SORCS1: variants seen among roughly 807,000 people sequenced by gnomAD.
SORCS1 encodes sortilin related VPS10 domain containing receptor 1.
Under a neutral mutation model 146.1 loss-of-function variants are expected in SORCS1, and 60 were observed. That is an observed-to-expected ratio of 0.41 (90% CI 0.33 to 0.51). SORCS1 has a LOEUF of 0.51. Among genes scored for constraint, SORCS1 ranks in the 20% least tolerant of loss-of-function variants. The pLI is 0.21. For synonymous variants in SORCS1, 637 were observed against 584.0 expected, an observed-to-expected ratio of 1.09 and a Z score of -1.31; for missense variants, 1,352 against 1,487.6, an observed-to-expected ratio of 0.91 and a Z score of 1.50.
intron 2 of SORCS1, among the ~76,000 whole-genome samples, chr10:106,885,802 C>A (rs1950978026): frequency 6.6e-6 from 1 of 152,104 alleles, no homozygotes; most frequent in Non-Finnish European, 1.5e-5. Context: ...CCCCATACTG[C>A]TCTCATGGTA....
intron 3 of SORCS1, among the ~76,000 whole-genome samples, chr10:106,804,189 G>A (rs1432608527): frequency 6.6e-6 from 1 of 151,918 alleles, no homozygotes; most frequent in Non-Finnish European, 1.5e-5. Context: ...GTGTGCTTGG[G>A]GACAAATATG....
intron 5 of SORCS1, among the ~76,000 whole-genome samples, chr10:106,754,664 GGGGAAGAAT>G (rs1858502984): frequency 6.6e-6 from 1 of 152,164 alleles, no homozygotes; most frequent in South Asian, 2.1e-4. Context: ...ATTGAACTGT[GGGGAAGAAT>G]GAGAATGTGT....
chr10:106,672,250 C>G (rs538325775), intron 15 of SORCS1, among the ~76,000 whole-genome samples: 3 of 152,292 alleles, frequency 2.0e-5, no homozygotes, highest in South Asian at 2.1e-4. Context: ...TTTGAGAGAT[C>G]TGCGGAACGA....
At chr10:107,008,021 T>C (rs945527316) in intron 1 of SORCS1, among the ~76,000 whole-genome samples, 3 of 148,440 alleles carry the variant, frequency 2.0e-5, no homozygotes, top group South Asian at 4.1e-4. Flanking sequence ...TATTTGTCTA[T>C]TGTAGGTTAA....
intron 1 of SORCS1, among the ~76,000 whole-genome samples, chr10:107,058,005 T>C (rs958200469): frequency 2.0e-5 from 3 of 152,118 alleles, no homozygotes; most frequent in Admixed American, 1.3e-4. Context: ...GTTTTAAAGA[T>C]ATGTAAGAGA....
intron 2 of SORCS1, among the ~76,000 whole-genome samples, chr10:106,845,939 T>A (rs1312903268): frequency 1.6e-5 from 2 of 126,508 alleles, no homozygotes; most frequent in Admixed American, 1.7e-4. Flanking sequence ...TCCATTGATC[T>A]ATATCTCTGT....
At chr10:107,082,728 T>C (rs1963425690) in intron 1 of SORCS1, among the ~76,000 whole-genome samples, 1 of 152,152 alleles carries the variant, frequency 6.6e-6, no homozygotes, top group Admixed American at 6.6e-5. Context: ...TTGCTCACCT[T>C]GGCCTCCCAA....
chr10:106,984,521 G>C (rs1391490070), intron 1 of SORCS1, among the ~76,000 whole-genome samples: 2 of 151,252 alleles, frequency 1.3e-5, no homozygotes, highest in Non-Finnish European at 2.9e-5. Context: ...AGCCTCCTGA[G>C]TAGCTGGGAC....
rs1326747614 is a variant in SORCS1 at position 107,036,261 on chromosome 10, T to C, written c.559-79681A>G. ...CAACTATTTTCTCATAGAATTTACA[T>C]TGTAGGTATTCTAAGTAATCTACAG... On this transcript the variant is annotated intron_variant, in intron 1 of 25. Transcript: ENST00000263054. Among the ~76,000 whole-genome samples the C allele has an allele frequency of 3.3e-5, 5 of 152,298 alleles. No individual in the cohort carries two copies. In the East Asian group the frequency reaches 7.7e-4, roughly 23 times the overall value.
chr10:107,061,380 T>C (rs1033741812), intron 1 of SORCS1, among the ~76,000 whole-genome samples: 9 of 152,260 alleles, frequency 5.9e-5, no homozygotes, highest in African/African-American at 1.9e-4. Flanking sequence ...AGAAGAAAAA[T>C]GACTATTTTC....
chr10:106,993,477 G>A (rs1041896465), intron 1 of SORCS1, among the ~76,000 whole-genome samples: 13 of 152,138 alleles, frequency 8.5e-5, no homozygotes, highest in African/African-American at 2.4e-4. Context: ...AGGACACAAA[G>A]GACATGATAG....
At chr10:106,890,880 GAATA>G (rs1446672410) in intron 2 of SORCS1, among the ~76,000 whole-genome samples, 2 of 151,706 alleles carry the variant, frequency 1.3e-5, no homozygotes, top group African/African-American at 4.8e-5. Flanking sequence ...AATAGGAATT[GAATA>G]AATAATCCTA....
intron 3 of SORCS1, among the ~76,000 whole-genome samples, chr10:106,794,663 C>T (rs958766858): frequency 2.0e-5 from 3 of 151,894 alleles, no homozygotes; most frequent in African/African-American, 4.8e-5. Context: ...CCACCACGCC[C>T]GGCTAATTTT....
At chr10:107,085,402 T>A (rs1035994336) in intron 1 of SORCS1, among the ~76,000 whole-genome samples, 1 of 152,230 alleles carries the variant, frequency 6.6e-6, no homozygotes, top group African/African-American at 2.4e-5. Context: ...AAATGGTTAG[T>A]TTTATGCAAA....
At chr10:106,986,143 ATATC>A (rs1374610895) in intron 1 of SORCS1, among the ~76,000 whole-genome samples, 1 of 152,316 alleles carries the variant, frequency 6.6e-6, no homozygotes, top group East Asian at 1.9e-4. Flanking sequence ...GGGTTCCTGT[ATATC>A]TATCTTAAAT....
intron 1 of SORCS1, among the ~76,000 whole-genome samples, chr10:107,082,560 C>T (rs1963412455): frequency 6.6e-6 from 1 of 152,036 alleles, no homozygotes; most frequent in South Asian, 2.1e-4. Flanking sequence ...TCACTGTAAC[C>T]TCCACCTCCT....
intron 1 of SORCS1, among the ~76,000 whole-genome samples, chr10:106,964,546 G>T (rs903950150): frequency 6.6e-6 from 1 of 152,064 alleles, no homozygotes; most frequent in Admixed American, 6.6e-5. Flanking sequence ...GAGTGCAGTG[G>T]TGCGATCTTG....
chr10:106,762,030 A>C (rs971378538), intron 4 of SORCS1, among the ~76,000 whole-genome samples: 2 of 152,206 alleles, frequency 1.3e-5, no homozygotes, highest in African/African-American at 4.8e-5. Context: ...GAAGTGCAAA[A>C]TCTAGACCTG....
At chr10:106,954,166 G>A (rs1380950762) in intron 2 of SORCS1, among the ~76,000 whole-genome samples, 3 of 152,236 alleles carry the variant, frequency 2.0e-5, no homozygotes, top group Admixed American at 2.0e-4. Context: ...TTTCCACTGT[G>A]CAGGTGGAGA....
Sources: allele counts gnomAD v4.1 joint callset (sites outside exome capture counted in the v4.1 genomes callset), GRCh38; gene constraint gnomAD v4.1.1; transcripts MANE v1.5; gene names NCBI Gene and HGNC (gene_info 2026-07-23, HGNC 2026-07-21).